FGD6: variants seen among roughly 807,000 people sequenced by gnomAD.
FGD6 encodes FYVE, RhoGEF and PH domain containing 6.
In FGD6, 90 loss-of-function variants were observed where a neutral mutation model predicts 149.4. That is an observed-to-expected ratio of 0.60 (90% CI 0.51 to 0.72). The LOEUF is 0.72. FGD6 is among the 30% of genes least tolerant of loss of function. FGD6 has a pLI of 0.00. For missense variants in FGD6, 1,437 were observed against 1,684.8 expected (o/e 0.85, Z 2.57); for synonymous variants, 527 against 584.0 (o/e 0.90, Z 1.41).
At chr12:95,156,020 T>G (rs923958413) in intron 3 of FGD6, among the ~76,000 whole-genome samples, 3 of 152,042 alleles carry the variant, frequency 2.0e-5, no homozygotes, top group Non-Finnish European at 2.9e-5. Flanking sequence ...TGTCTTTACT[T>G]TAATCTCTTA....
intron 14 of FGD6, among the ~76,000 whole-genome samples, chr12:95,095,438 T>C (rs1878202378): frequency 6.6e-6 from 1 of 152,126 alleles, no homozygotes; most frequent in Admixed American, 6.5e-5. Flanking sequence ...AAATCATTAC[T>C]GGTATCAGCA....
chr12:95,132,160 TTTTG>T (rs1213471343), intron 8 of FGD6, among the ~76,000 whole-genome samples: 4 of 152,134 alleles, frequency 2.6e-5, no homozygotes, highest in Non-Finnish European at 5.9e-5. Flanking sequence ...ATTCTTCTTC[TTTTG>T]TTTAAGAGAC....
chr12:95,083,124 C>T (rs1877754525), intron 20 of FGD6, among the ~76,000 whole-genome samples: 1 of 143,800 alleles, frequency 7.0e-6, no homozygotes, highest in Non-Finnish European at 1.5e-5. Flanking sequence ...TTTGTAAAAG[C>T]AACCTATAAC....
chr12:95,144,207 C>T (rs1879940950), intron 5 of FGD6, among the ~76,000 whole-genome samples: 1 of 152,220 alleles, frequency 6.6e-6, no homozygotes, highest in Non-Finnish European at 1.5e-5. Context: ...CCAGGCAAAA[C>T]TCTGCTTTTC....
intron 8 of FGD6, among the ~76,000 whole-genome samples, chr12:95,129,329 AT>A (rs1160832018): frequency 6.9e-6 from 1 of 144,064 alleles, no homozygotes; most frequent in African/African-American, 2.5e-5. Flanking sequence ...CCATCCATCC[AT>A]CCATCCATCC....
intron 6 of FGD6, among the ~76,000 whole-genome samples, chr12:95,138,246 A>AAATAAATAAATAAATAACTC (rs796444898): frequency 5.9e-4 from 85 of 143,860 alleles, no homozygotes; most frequent in East Asian, 1.7e-3. Flanking sequence ...ATAAATAAAT[A>AAATAAATAAATAAATAACTC]ACTCACTCAC....
intron 2 of FGD6, among the ~76,000 whole-genome samples, chr12:95,200,635 T>C (rs547071819): frequency 1.3e-5 from 2 of 152,320 alleles, no homozygotes; most frequent in Admixed American, 1.3e-4. Context: ...GAAAGAAAAC[T>C]GAAAGAAGAC....
At chr12:95,083,992 A>T (rs1446219728) in intron 20 of FGD6, among the ~76,000 whole-genome samples, 1 of 152,172 alleles carries the variant, frequency 6.6e-6, no homozygotes, top group Non-Finnish European at 1.5e-5. Flanking sequence ...TTGCCATCTA[A>T]ACTGATAGCC....
At chr12:95,169,818 G>A (rs1880937263) in intron 3 of FGD6, among the ~76,000 whole-genome samples, 1 of 152,088 alleles carries the variant, frequency 6.6e-6, no homozygotes, top group Non-Finnish European at 1.5e-5. Context: ...TTTAATTATG[G>A]CCCTCAAGAA....
At chr12:95,216,901 C>G (rs2056813826) in intron 1 of FGD6, among the ~76,000 whole-genome samples, 1 of 152,222 alleles carries the variant, frequency 6.6e-6, no homozygotes, top group Non-Finnish European at 1.5e-5. Context: ...ACACTATTTT[C>G]ACATGCAAAG....
intron 18 of FGD6, among the ~76,000 whole-genome samples, chr12:95,087,722 G>A (rs1022774182): frequency 1.3e-5 from 2 of 152,036 alleles, no homozygotes; most frequent in Admixed American, 1.3e-4. Context: ...ATACACATGC[G>A]CTCTGTGAAT....
intron 2 of FGD6, among the ~76,000 whole-genome samples, chr12:95,191,884 C>T (rs760153105): frequency 9.9e-5 from 15 of 152,170 alleles, no homozygotes; most frequent in South Asian, 2.1e-4. Flanking sequence ...TATAGGCACC[C>T]GCCACCACGC....
At chr12:95,144,085 A>G (rs1428991227) in intron 5 of FGD6, among the ~76,000 whole-genome samples, 2 of 152,182 alleles carry the variant, frequency 1.3e-5, no homozygotes, top group Non-Finnish European at 2.9e-5. Context: ...GTCTGCCACC[A>G]TTGCCAAAAA....
chr12:95,164,247 T>C (rs571674093), intron 3 of FGD6, among the ~76,000 whole-genome samples: 29 of 144,990 alleles, frequency 2.0e-4, no homozygotes, highest in African/African-American at 6.8e-4. Flanking sequence ...TTTTCCTTCC[T>C]TTTTTTTTTT....
intron 2 of FGD6, among the ~76,000 whole-genome samples, chr12:95,201,693 G>A (rs1185522328): frequency 6.6e-6 from 1 of 151,932 alleles, no homozygotes; most frequent in Non-Finnish European, 1.5e-5. Flanking sequence ...ACTTACACTG[G>A]GGACATTTCT....
At chr12:95,128,517 C>G (rs1277276976) in intron 8 of FGD6, among the ~76,000 whole-genome samples, 2 of 152,156 alleles carry the variant, frequency 1.3e-5, no homozygotes, top group African/African-American at 4.8e-5. Context: ...AGGCACGAGC[C>G]ACCATGCCCA....
At chr12:95,166,985 T>C (rs971720879) in intron 3 of FGD6, among the ~76,000 whole-genome samples, 1 of 151,506 alleles carries the variant, frequency 6.6e-6, no homozygotes, top group African/African-American at 2.4e-5. Flanking sequence ...GCCTCCCAAG[T>C]AGCTGGAATT....
chr12:95,148,076 C>G (rs1422729222), intron 5 of FGD6, among the ~76,000 whole-genome samples: 1 of 152,012 alleles, frequency 6.6e-6, no homozygotes, highest in African/African-American at 2.4e-5. Context: ...AAGAACAGTT[C>G]TCACATGAAA....
chr12:95,175,756 T>C (rs1200449981), intron 2 of FGD6, among the ~76,000 whole-genome samples: 2 of 141,494 alleles, frequency 1.4e-5, no homozygotes, highest in Non-Finnish European at 3.0e-5. Context: ...GCCAAGACTA[T>C]GTCACTGCAC....
Sources: gnomAD v4.1 joint callset for allele counts (sites outside exome capture counted in the v4.1 genomes callset) on GRCh38, gnomAD v4.1.1 for gene constraint, MANE v1.5 for transcripts, NCBI Gene and HGNC (gene_info 2026-07-23, HGNC 2026-07-21) for gene names.